FBXW7: variants seen among roughly 807,000 people sequenced by gnomAD.
The protein encoded by FBXW7 is F-box/WD repeat-containing protein 7.
In FBXW7, 11 loss-of-function variants were observed where a neutral mutation model predicts 86.3. The ratio of observed to expected loss-of-function variants is 0.13; its 90% CI spans 0.08 to 0.21. The LOEUF (loss-of-function observed/expected upper bound fraction) is 0.21. Among genes scored for constraint, FBXW7 ranks in the 10% least tolerant of loss-of-function variants. The pLI is 1.00. For missense variants in FBXW7, 488 were observed against 847.4 expected, an observed-to-expected ratio of 0.58 and a Z score of 5.27; for synonymous variants, 313 against 297.9, an observed-to-expected ratio of 1.05 and a Z score of -0.52.
intron 6 of FBXW7, 77 bp downstream of exon 6, chr4:152,346,853 T>C (rs2126633057): frequency 4.5e-6 from 7 of 1,569,928 alleles, no homozygotes; most frequent in Non-Finnish European, 6.1e-6. Flanking sequence ...TGTTTCCTTC[T>C]TTTTTTACGG....
chr4:152,513,103 C>A (rs1028788941), intron 2 of FBXW7, among the ~76,000 whole-genome samples: 6 of 152,136 alleles, frequency 3.9e-5, no homozygotes, highest in African/African-American at 1.4e-4. Context: ...CTCAGGTGAT[C>A]CGCTCACCTC....
intron 2 of FBXW7, among the ~76,000 whole-genome samples, chr4:152,531,795 T>C (rs1310643033): frequency 6.6e-6 from 1 of 151,952 alleles, no homozygotes; most frequent in Non-Finnish European, 1.5e-5. Context: ...CTTCTATTTA[T>C]AAATTCCTTA....
At chr4:152,362,752 G>C (rs940055918) in intron 4 of FBXW7, among the ~76,000 whole-genome samples, 1 of 150,862 alleles carries the variant, frequency 6.6e-6, no homozygotes, top group Admixed American at 6.6e-5. Context: ...GCTCAAACCC[G>C]GGAGGCAGAG....
intron 11 of FBXW7, among the ~76,000 whole-genome samples, chr4:152,327,359 C>T (rs566460033): frequency 2.4e-4 from 37 of 151,710 alleles, no homozygotes; most frequent in Admixed American, 6.6e-4. Context: ...AAAGAAGATG[C>T]GATAGACAGA....
intron 2 of FBXW7, among the ~76,000 whole-genome samples, chr4:152,461,926 C>T (rs551261258): frequency 6.6e-6 from 1 of 151,828 alleles, no homozygotes; most frequent in South Asian, 2.1e-4. Context: ...TTTCCTTTAA[C>T]ACTGCTTTGT....
chr4:152,460,723 C>A (rs1742861992), intron 2 of FBXW7, among the ~76,000 whole-genome samples: 2 of 152,186 alleles, frequency 1.3e-5, no homozygotes, highest in South Asian at 4.1e-4. Context: ...CACTTATGTG[C>A]TAACATCTGT....
At chr4:152,359,198 G>A (rs1401806027) in intron 4 of FBXW7, among the ~76,000 whole-genome samples, 2 of 152,106 alleles carry the variant, frequency 1.3e-5, no homozygotes, top group Admixed American at 6.6e-5. Context: ...ACAATCAATT[G>A]AGAAATAAGT....
intron 4 of FBXW7, among the ~76,000 whole-genome samples, chr4:152,376,128 AAAG>A (rs1419172371): frequency 2.0e-5 from 3 of 152,108 alleles, no homozygotes; most frequent in Non-Finnish European, 2.9e-5. Flanking sequence ...AGGACACTGT[AAAG>A]ACAAGTGCCT....
intron 2 of FBXW7, among the ~76,000 whole-genome samples, chr4:152,478,785 T>A (rs572864130): frequency 1.1e-4 from 16 of 152,288 alleles, no homozygotes; most frequent in Admixed American, 9.2e-4. Flanking sequence ...GGTTTTGATT[T>A]GCATTTCTCT....
chr4:152,381,873 C>G (rs1358031284), intron 4 of FBXW7, among the ~76,000 whole-genome samples: 4 of 152,092 alleles, frequency 2.6e-5, no homozygotes, highest in Non-Finnish European at 5.9e-5. Context: ...CATGCAAAAA[C>G]TACAAATTTA....
chr4:152,399,525 A>G (rs1189626852), intron 4 of FBXW7, among the ~76,000 whole-genome samples: 1 of 152,202 alleles, frequency 6.6e-6, no homozygotes, highest in Non-Finnish European at 1.5e-5. Flanking sequence ...AGAGGAAATA[A>G]CACTGTCTTT....
chr4:152,404,836 T>C (rs996852169), intron 4 of FBXW7, among the ~76,000 whole-genome samples: 1 of 152,110 alleles, frequency 6.6e-6, no homozygotes, highest in African/African-American at 2.4e-5. Flanking sequence ...CTCATACCTG[T>C]AATCCCAGCA....
intron 2 of FBXW7, among the ~76,000 whole-genome samples, chr4:152,508,445 C>A (rs1296028321): frequency 1.3e-5 from 2 of 151,966 alleles, no homozygotes; most frequent in African/African-American, 2.4e-5. Flanking sequence ...AATCCCAACA[C>A]CTTGGGAGGC....
intron 6 of FBXW7, 76 bp from the exon 7 acceptor site, chr4:152,338,012 TC>T (rs1730333954): frequency 6.9e-7 from 1 of 1,439,810 alleles, no homozygotes; most frequent in African/African-American, 1.4e-5. Context: ...AAAACTCACA[TC>T]TACACACAAC....
At chr4:152,499,043 T>C (rs2149696914) in intron 2 of FBXW7, among the ~76,000 whole-genome samples, 1 of 152,262 alleles carries the variant, frequency 6.6e-6, no homozygotes, top group South Asian at 2.1e-4. Context: ...TATTAGGGGA[T>C]TCCAAGAATT....
At chr4:152,400,407 T>A (rs935381886) in intron 4 of FBXW7, among the ~76,000 whole-genome samples, 2 of 152,150 alleles carry the variant, frequency 1.3e-5, no homozygotes, top group African/African-American at 2.4e-5. Context: ...AGTGGTATGA[T>A]CTTGGCTCAC....
chr4:152,376,622 T>G (rs545527773), intron 4 of FBXW7, among the ~76,000 whole-genome samples: 1 of 152,268 alleles, frequency 6.6e-6, no homozygotes, highest in South Asian at 2.1e-4. Context: ...TCTATTATCA[T>G]GAATAACTGA....
In FBXW7 at chr4:152,535,614, T is replaced by G; in HGVS notation, c.-700A>C. The G allele has an allele frequency of 2.5e-6, 1 of 396,624 alleles. No individual in the cohort carries two copies. The highest frequency in any genetic ancestry group is 4.4e-6 in the Non-Finnish European group (1 of 224,984). 24.6% of individuals were successfully genotyped at this position (396,624 alleles called of 1,614,324 possible). ...AGGCGAGGGACCCGGCCGGCTCCGC[T>G]CGGCGCCGCCCCCGCTCCCGGCTCC... On this transcript the variant is annotated 5_prime_UTR_variant, in exon 1 of 14. Transcript: ENST00000281708.
chr4:152,443,578 G>A (rs533314791), intron 2 of FBXW7, among the ~76,000 whole-genome samples: 69 of 151,946 alleles, frequency 4.5e-4, no homozygotes, highest in South Asian at 3.7e-3. Flanking sequence ...TATAGTTGGC[G>A]GTCTTTTAAG....
Sources: gnomAD v4.1 joint callset for allele counts (sites outside exome capture counted in the v4.1 genomes callset) on GRCh38, gnomAD v4.1.1 for gene constraint, MANE v1.5 for transcripts, NCBI Gene and HGNC (gene_info 2026-07-23, HGNC 2026-07-21) for gene names.